The following MTOR variants were observed in gnomAD, a reference collection of about 807,000 sequenced individuals.
The protein encoded by MTOR is mechanistic target of rapamycin kinase.
Under a neutral mutation model 319.8 loss-of-function variants are expected in MTOR, and 70 were observed. The ratio of observed to expected loss-of-function variants is 0.22; its 90% CI spans 0.18 to 0.27. The LOEUF (loss-of-function observed/expected upper bound fraction) is 0.27. Among genes scored for constraint, MTOR ranks in the 10% least tolerant of loss-of-function variants. MTOR has a pLI of 1.00. For missense variants in MTOR, 1,890 were observed against 3,274.4 expected (o/e 0.58, Z 10.32); for synonymous variants, 1,183 against 1,211.4 (o/e 0.98, Z 0.49).
At chr1:11,168,556 C>T (rs1211004712) in intron 28 of MTOR, among the ~76,000 whole-genome samples, 1 of 152,222 alleles carries the variant, frequency 6.6e-6, no homozygotes, top group Non-Finnish European at 1.5e-5. Flanking sequence ...CCTCCCTAGA[C>T]CCTCTTCAGG....
chr1:11,210,952 T>A, intron 23 of MTOR, 46 bp from the exon 24 acceptor site: 1 of 1,246,796 alleles, frequency 8.0e-7, no homozygotes, highest in Non-Finnish European at 1.2e-6. Flanking sequence ...TTTTGGAGAG[T>A]GGAGAAAAAG....
chr1:11,141,374 A>G lies in MTOR; in HGVS notation c.4873-1716T>C, dbSNP rs376041545. Among the ~76,000 whole-genome samples, 10 of 150,680 alleles carry G rather than the reference A, an allele frequency of 6.6e-5. No homozygotes were observed. In the East Asian group the frequency reaches 1.6e-3, roughly 24 times the overall value. On this transcript the variant is annotated intron_variant, in intron 34 of 57. Transcript: ENST00000361445. ...GCTATCTGCCTGCCTCAGCCTCCCAATGTGCTGGGATTACAGGTGGGATCG... is the reference window on the plus strand; with the variant it reads ...GCTATCTGCCTGCCTCAGCCTCCCAGTGTGCTGGGATTACAGGTGGGATCG...
intron 34 of MTOR, among the ~76,000 whole-genome samples, chr1:11,143,747 T>C (rs1643821993): frequency 6.6e-6 from 1 of 152,162 alleles, no homozygotes; most frequent in African/African-American, 2.4e-5. Context: ...AATTTGGAAT[T>C]AGCAATTAGG....
intron 28 of MTOR, among the ~76,000 whole-genome samples, chr1:11,191,942 G>A (rs531096002): frequency 6.6e-6 from 1 of 152,190 alleles, no homozygotes; most frequent in South Asian, 2.1e-4. Flanking sequence ...TCTGTTACGT[G>A]GCCCTCATAC....
At chr1:11,110,065 T>A (rs1327432378) in intron 54 of MTOR, among the ~76,000 whole-genome samples, 1 of 152,048 alleles carries the variant, frequency 6.6e-6, no homozygotes, top group Admixed American at 6.6e-5. Flanking sequence ...TTGAAAAAAT[T>A]TGGTGCTTAT....
intron 19 of MTOR, among the ~76,000 whole-genome samples, chr1:11,221,952 T>C (rs1291658255): frequency 4.6e-5 from 7 of 150,678 alleles, no homozygotes; most frequent in Non-Finnish European, 8.9e-5. Flanking sequence ...AAATTATATA[T>C]ATATATGTAT....
At chr1:11,169,901 T>TG (rs1274802098) in intron 28 of MTOR, among the ~76,000 whole-genome samples, 1 of 152,236 alleles carries the variant, frequency 6.6e-6, no homozygotes, top group Non-Finnish European at 1.5e-5. Context: ...AGTGATATGC[T>TG]TGTCTGCAGA....
In MTOR at chr1:11,212,845, G is replaced by C; in HGVS notation, c.3349C>G (p.Pro1117Ala). The C allele has an allele frequency of 6.2e-7, 1 of 1,614,144 alleles. No individual in the cohort carries two copies. The highest frequency in any genetic ancestry group is 1.1e-5 in the South Asian group (1 of 91,068). ...LDDYLHLLLP[P>A]IVKLFDAPEA... The stretch of plus-strand genomic sequence containing the variant: ...GGGGCATCAAACAACTTAACAATAG[G>C]AGGCAGCAGTAAATGCAGGTAGTCA... The change falls in exon 22 of 58, where the codon CCT (proline) becomes GCT (alanine). Residue 1117 changes from proline (P) to alanine (A), a missense_variant. Coordinates refer to ENST00000361445, the MANE Select transcript of MTOR (RefSeq NM_004958.4). The surrounding 1 kb of genome is among the most constrained non-coding windows in gnomAD (Gnocchi z 4.1).
chr1:11,257,029 T>G lies in MTOR; in HGVS notation c.408A>C (p.Ala136=). 1 of 1,614,158 alleles carries G rather than the reference T, an allele frequency of 6.2e-7. No homozygotes were observed. Among genetic ancestry groups the G allele is most frequent in the Non-Finnish European group, 8.5e-7 (1 of 1,180,012 alleles). The part of the protein sequence containing the change: ...ASKAIGRLAM[A]GDTFTAEYVE... Reference sequence around the variant, plus strand: ...CGTACTCAGCGGTAAAAGTGTCCCCTGCCATGGCAAGACGGCCAATGGCCT... The same window carrying G: ...CGTACTCAGCGGTAAAAGTGTCCCCGGCCATGGCAAGACGGCCAATGGCCT... Residue 136 remains alanine, a synonymous_variant, in exon 4 of 58, where the codon GCA becomes GCC. Coordinates refer to ENST00000361445, the MANE Select transcript of MTOR (RefSeq NM_004958.4).
chr1:11,211,857 T>C (rs750780544), intron 23 of MTOR, among the ~76,000 whole-genome samples: 2 of 152,194 alleles, frequency 1.3e-5, no homozygotes, highest in Non-Finnish European at 2.9e-5. Flanking sequence ...TGCTGTGCCC[T>C]GAACTCTTTG....
intron 25 of MTOR, among the ~76,000 whole-genome samples, chr1:11,208,294 C>T (rs1646203645): frequency 6.6e-6 from 1 of 152,268 alleles, no homozygotes. Flanking sequence ...CATCTTAACC[C>T]AGCAAACGTT....
chr1:11,231,081 G>A (rs2100866640), intron 17 of MTOR, 27 bp from the exon 18 acceptor site: 1 of 1,613,990 alleles, frequency 6.2e-7, no homozygotes, highest in Non-Finnish European at 8.5e-7. Flanking sequence ...AGGGAAAAAA[G>A]AAAACATTCA....
chr1:11,137,692 C>A (rs534679621), intron 36 of MTOR, among the ~76,000 whole-genome samples: 2 of 152,292 alleles, frequency 1.3e-5, no homozygotes, highest in South Asian at 4.1e-4. Context: ...TGGGCAAGAA[C>A]AATGGCCTTG....
In MTOR at chr1:11,242,107, T is replaced by C. The variant is rs1346163486; in HGVS notation, c.1413-426A>G. ...GGCCAGGCGCAGCGACTCACGCCTG[T>C]AATCCCAGCACTCTGGGAGGCGGAG... On this transcript the variant is annotated intron_variant, in intron 9 of 57. Transcript: ENST00000361445. 5.9e-5 allele frequency among the ~76,000 whole-genome samples: 9 copies of C among 152,112 alleles called. No individual in the cohort carries two copies. The East Asian group carries it at 1.7e-3, about 29-fold the overall frequency.
At chr1:11,139,789 T>C (rs1643601942) in intron 34 of MTOR, 131 bp from the exon 35 acceptor site, 1 of 1,102,414 alleles carries the variant, frequency 9.1e-7, no homozygotes, top group Non-Finnish European at 1.3e-6. Context: ...CCTCCCGGGT[T>C]CAAGCAATTC....
In MTOR at chr1:11,122,138, A is replaced by G. The variant is rs751559569; in HGVS notation, c.6663-12T>C. On this transcript the variant is annotated splice_polypyrimidine_tract_variant and intron_variant, in intron 47 of 57. Coordinates refer to ENST00000361445, the MANE Select transcript of MTOR (RefSeq NM_004958.4). ...CGTATCTCTGGATGCTGGCGCCCACAGAAAAGCAGGGTTAGTGTACCGTAA... is the reference window on the plus strand; with the variant it reads ...CGTATCTCTGGATGCTGGCGCCCACGGAAAAGCAGGGTTAGTGTACCGTAA... 1 of 1,614,208 alleles carries G rather than the reference A, an allele frequency of 6.2e-7. No homozygotes were observed.
intron 29 of MTOR, among the ~76,000 whole-genome samples, chr1:11,161,581 C>T (rs917941881): frequency 5.3e-5 from 8 of 152,134 alleles, no homozygotes; most frequent in East Asian, 1.9e-4. Context: ...CCCTCTGAGA[C>T]GAAGCTTCCA....
rs543076706 is a variant in MTOR, at chr1:11,127,908, G to A, written c.6033+96C>T. The A allele has an allele frequency of 1.0e-5, 16 of 1,583,950 alleles. No homozygotes were observed. In the South Asian group the frequency reaches 1.2e-4, roughly 11 times the overall value. On this transcript the variant is annotated intron_variant, in intron 43 of 57. Transcript: ENST00000361445. The surrounding 1 kb of genome is among the most constrained non-coding windows in gnomAD (Gnocchi z 5.5). Reference sequence around the variant, plus strand: ...GTACTATTTCCAGCAGTCAGAGGAAGTGCACAGCACCAATGCGAGGAAGAA... The same window carrying A: ...GTACTATTTCCAGCAGTCAGAGGAAATGCACAGCACCAATGCGAGGAAGAA...
chr1:11,193,726 C>T (rs1645654069), intron 28 of MTOR: 3 of 1,614,150 alleles, frequency 1.9e-6, no homozygotes, highest in African/African-American at 2.7e-5. Flanking sequence ...GGAACGAACA[C>T]ATCCACCGGC....
Sources: allele counts gnomAD v4.1 joint callset (sites outside exome capture counted in the v4.1 genomes callset), GRCh38; gene constraint gnomAD v4.1.1; non-coding constraint Gnocchi (gnomAD v3.1); transcripts MANE v1.5; gene names NCBI Gene and HGNC (gene_info 2026-07-23, HGNC 2026-07-21).